Variants in NOL10 observed in about 807,000 individuals in gnomAD.
NOL10 encodes the protein nucleolar protein 10, also known as H_NH0074G24.1.
Under a neutral mutation model 103.5 loss-of-function variants are expected in NOL10, and 58 were observed. That is an observed-to-expected ratio of 0.56 (90% CI 0.45 to 0.70). The LOEUF (loss-of-function observed/expected upper bound fraction) is 0.70. NOL10 is among the 30% of genes least tolerant of loss of function. NOL10 has a pLI of 0.00. For missense variants in NOL10, 763 were observed against 807.3 expected, an observed-to-expected ratio of 0.95 and a Z score of 0.67; for synonymous variants, 287 against 282.5, an observed-to-expected ratio of 1.02 and a Z score of -0.16.
intron 12 of NOL10, among the ~76,000 whole-genome samples, chr2:10,647,566 G>A (rs1204175695): frequency 1.3e-5 from 2 of 152,190 alleles, no homozygotes; most frequent in Admixed American, 6.5e-5. Flanking sequence ...TTCACCACAC[G>A]TGTTGGGAAG....
chr2:10,622,285 CA>C, intron 13 of NOL10: 3 of 414,476 alleles, frequency 7.2e-6, no homozygotes. Flanking sequence ...ATATTGTGAT[CA>C]AAAAAACCTT....
At chr2:10,647,051 A>G (rs1192772041) in intron 12 of NOL10, among the ~76,000 whole-genome samples, 18 of 152,218 alleles carry the variant, frequency 1.2e-4, no homozygotes, top group Admixed American at 1.2e-3. Context: ...TATGGCATTG[A>G]GGACTTTTTT....
Position 10,677,202 on chromosome 2 carries a change from G to A in NOL10, c.212-1331C>T, listed in dbSNP as rs938079883. Among the ~76,000 whole-genome samples the A allele has an allele frequency of 2.0e-5, 3 of 152,112 alleles. 1 individual carries two copies. In the South Asian group the frequency reaches 6.2e-4, roughly 31 times the overall value. On this transcript the variant is annotated intron_variant, in intron 3 of 20. Coordinates refer to ENST00000381685, the MANE Select transcript of NOL10 (RefSeq NM_024894.4). ...GATCTGCCTGTCTCCGCCTGCCTAAGTGCTGGGATTACAGGAGTTAGCCAC... is the reference window on the plus strand; with the variant it reads ...GATCTGCCTGTCTCCGCCTGCCTAAATGCTGGGATTACAGGAGTTAGCCAC...
chr2:10,576,298 G>C (rs1309001385), intron 20 of NOL10, among the ~76,000 whole-genome samples: 1 of 152,152 alleles, frequency 6.6e-6, no homozygotes, highest in Non-Finnish European at 1.5e-5. Context: ...GCCACTGTCA[G>C]AAAACAGTCT....
intron 13 of NOL10, among the ~76,000 whole-genome samples, chr2:10,609,431 CAAAAAAAA>C (rs60104799): frequency 8.7e-4 from 97 of 111,566 alleles, no homozygotes; most frequent in South Asian, 9.5e-4. Flanking sequence ...ACTAAAAATA[CAAAAAAAA>C]AAAAAAAAAA....
intron 19 of NOL10, among the ~76,000 whole-genome samples, chr2:10,582,555 G>A (rs1282582865): frequency 2.0e-5 from 3 of 152,168 alleles, no homozygotes; most frequent in Non-Finnish European, 4.4e-5. Flanking sequence ...TACCAGAAAA[G>A]GCTGATGTGC....
chr2:10,689,679 CG>C (rs1016308805), intron 1 of NOL10, 116 bp downstream of exon 1: 17 of 1,036,458 alleles, frequency 1.6e-5, no homozygotes, highest in East Asian at 2.6e-5. Flanking sequence ...CTCCCCGAGT[CG>C]GGGGGTGACC....
chr2:10,587,931 C>T (rs917712337), intron 19 of NOL10, among the ~76,000 whole-genome samples: 1 of 152,154 alleles, frequency 6.6e-6, no homozygotes, highest in Non-Finnish European at 1.5e-5. Context: ...TGACCCCAGC[C>T]TAACACCTTG....
chr2:10,681,530 C>T (rs917184756), intron 3 of NOL10, among the ~76,000 whole-genome samples: 2 of 152,140 alleles, frequency 1.3e-5, no homozygotes, highest in Non-Finnish European at 2.9e-5. Context: ...GTTACACAAG[C>T]GTGTGCATTT....
At chr2:10,650,659 C>T (rs1181107599) in intron 12 of NOL10, among the ~76,000 whole-genome samples, 4 of 152,024 alleles carry the variant, frequency 2.6e-5, no homozygotes, top group African/African-American at 9.7e-5. Flanking sequence ...CTCAGGAGGC[C>T]TAGGCAGGAT....
chr2:10,616,700 C>A (rs1676852984), intron 13 of NOL10, among the ~76,000 whole-genome samples: 1 of 152,058 alleles, frequency 6.6e-6, no homozygotes, highest in Non-Finnish European at 1.5e-5. Context: ...AGGTGTGTGC[C>A]ACCATGCCCA....
At chr2:10,638,330 G>GACGTAACGTA (rs3061339) in intron 13 of NOL10, among the ~76,000 whole-genome samples, 145 of 92,812 alleles carry the variant, frequency 1.6e-3, no homozygotes, top group East Asian at 4.3e-3. Context: ...GACGTGACGT[G>GACGTAACGTA]ACGTAACGTA....
chr2:10,642,744 T>C (rs1678790412), intron 13 of NOL10, among the ~76,000 whole-genome samples: 1 of 152,120 alleles, frequency 6.6e-6, no homozygotes, highest in African/African-American at 2.4e-5. Context: ...TCGACGCAGC[T>C]ATCCTTCGGT....
intron 11 of NOL10, among the ~76,000 whole-genome samples, chr2:10,657,175 T>G (rs113291671): frequency 0.2 from 31,124 of 152,062 alleles, 4,185 homozygotes; most frequent in Non-Finnish European, 0.3. Context: ...AAAAATTAGC[T>G]GGGCATGGTG....
At chr2:10,652,217 G>C (rs1214738408) in intron 12 of NOL10, among the ~76,000 whole-genome samples, 2 of 150,870 alleles carry the variant, frequency 1.3e-5, no homozygotes, top group South Asian at 2.1e-4. Flanking sequence ...TCCAGCCTGG[G>C]GGACAGAGGG....
At position 10,682,399 on chromosome 2, in the gene NOL10, CTTTTTT is replaced by C. The variant is rs761615937; in HGVS notation, c.113-336_113-331del. Among the ~76,000 whole-genome samples, 306 of 138,514 alleles carry C rather than the reference CTTTTTT, an allele frequency of 2.2e-3. 1 individual carries two copies. Among genetic ancestry groups the C allele is most frequent in the African/African-American group, 7.9e-3 (295 of 37,282 alleles). 90.9% of individuals were successfully genotyped at this position (138,514 alleles called of 152,430 possible). A position where few individuals can be genotyped will look rare whatever the true frequency, so the allele number is the denominator to read the frequency against. On this transcript the variant is annotated intron_variant, in intron 2 of 20. Transcript: ENST00000381685. ...GAGGAAGAGCATAAACATTAAACCA[CTTTTTT>C]TTTTTTTTTTTTGAGACAGGGTCTC...
intron 16 of NOL10, among the ~76,000 whole-genome samples, chr2:10,601,243 T>G (rs1675957826): frequency 6.6e-6 from 1 of 152,146 alleles, no homozygotes; most frequent in Non-Finnish European, 1.5e-5. Context: ...TTTTGTATTT[T>G]TAGTAGAGAC....
intron 13 of NOL10, among the ~76,000 whole-genome samples, chr2:10,610,618 T>A (rs1676513498): frequency 2.0e-5 from 3 of 152,212 alleles, no homozygotes; most frequent in South Asian, 4.1e-4. Context: ...ATTAGACCTT[T>A]CGTCAGAGGC....
chr2:10,671,553 C>A lies in NOL10; in HGVS notation c.464+1G>T. On this transcript the variant is annotated splice_donor_variant, in intron 6 of 20. Transcript: ENST00000381685. LOFTEE classifies it high-confidence loss of function. ...GGAGAAAAAGGGACTGGATCCAATACCTTGCACCAACAAAGTACAAGTCAC... is the reference window on the plus strand; with the variant it reads ...GGAGAAAAAGGGACTGGATCCAATAACTTGCACCAACAAAGTACAAGTCAC... The A allele has an allele frequency of 6.2e-7, 1 of 1,603,038 alleles. No individual in the cohort carries two copies. The highest frequency in any genetic ancestry group is 8.5e-7 in the Non-Finnish European group (1 of 1,175,534).
Sources: gnomAD v4.1 joint callset for allele counts (sites outside exome capture counted in the v4.1 genomes callset) on GRCh38, gnomAD v4.1.1 for gene constraint, MANE v1.5 for transcripts, NCBI Gene and HGNC (gene_info 2026-07-23, HGNC 2026-07-21) for gene names.